Variants in ELN observed in about 807,000 individuals in gnomAD.
ELN encodes elastin.
Under a neutral mutation model 105.8 loss-of-function variants are expected in ELN, and 65 were observed. That is an observed-to-expected ratio of 0.61 (90% CI 0.50 to 0.75). ELN has a LOEUF of 0.75. Among genes scored for constraint, ELN ranks in the 30% least tolerant of loss-of-function variants. The probability of loss-of-function intolerance (pLI) is 0.00; values close to 1 mark genes in which losing one functional copy is unlikely to be tolerated. For synonymous variants in ELN, 368 were observed against 389.2 expected, an observed-to-expected ratio of 0.95 and a Z score of 0.64; for missense variants, 882 against 969.4, an observed-to-expected ratio of 0.91 and a Z score of 1.20.
chr7:74,064,145 A>G (rs556431276), intron 29 of ELN, among the ~76,000 whole-genome samples: 13 of 148,456 alleles, frequency 8.8e-5, no homozygotes, highest in Non-Finnish European at 1.6e-4. Context: ...GAGGCCAGGC[A>G]TGGTGGCTCA....
chr7:74,068,884 C>A lies in ELN; in HGVS notation c.*184C>A. 1.4e-6 allele frequency: 1 copy of A among 699,106 alleles called. No individual in the cohort carries two copies. The highest frequency in any genetic ancestry group is 2.2e-5 in the Admixed American group (1 of 44,848). 43.3% of individuals were successfully genotyped at this position (699,106 alleles called of 1,614,324 possible). A position where few individuals can be genotyped will look rare whatever the true frequency, so the allele number is the denominator to read the frequency against. On this transcript the variant is annotated 3_prime_UTR_variant, in exon 33 of 33. Coordinates refer to ENST00000252034, the MANE Select transcript of ELN (RefSeq NM_000501.4). The stretch of plus-strand genomic sequence containing the variant: ...ACAAGAGGGGAGCGGCCAAGTGCCC[C>A]GACCAGGAGGCCCCCTACTTCAGAG...
chr7:74,047,514 C>T (rs1792856204), intron 12 of ELN, among the ~76,000 whole-genome samples, 161 bp from the exon 13 acceptor site: 3 of 152,164 alleles, frequency 2.0e-5, no homozygotes, highest in African/African-American at 7.2e-5. Flanking sequence ...GTGTCCTCTC[C>T]CTCCTTCACC....
At chr7:74,028,988 T>C (rs745887365) in intron 1 of ELN, among the ~76,000 whole-genome samples, 1 of 151,960 alleles carries the variant, frequency 6.6e-6, no homozygotes, top group Non-Finnish European at 1.5e-5. Context: ...GGGAAAGGGA[T>C]TTCTGGAGGG....
chr7:74,066,960 C>G (rs1439202841), intron 32 of ELN, among the ~76,000 whole-genome samples, 184 bp downstream of exon 32: 9 of 152,224 alleles, frequency 5.9e-5, no homozygotes, highest in African/African-American at 2.2e-4. Context: ...TTGCTGACCT[C>G]TTATAAACAC....
At position 74,063,574 on chromosome 7, in the gene ELN, T is replaced by C. The variant is rs1343995589; in HGVS notation, c.1919-47T>C. 1.2e-6 allele frequency: 2 copies of C among 1,613,750 alleles called. No homozygotes were observed. Among genetic ancestry groups the C allele is most frequent in the Admixed American group, 3.3e-5 (2 of 59,984 alleles). Reference sequence around the variant, plus strand: ...CGCCCTCCACAGGCCGAGGCTTCAGTCCCACCTTTCTGACCAGCGGAGTCT... The same window carrying C: ...CGCCCTCCACAGGCCGAGGCTTCAGCCCCACCTTTCTGACCAGCGGAGTCT... On this transcript the variant is annotated intron_variant, in intron 28 of 32. Transcript: ENST00000252034. The surrounding 1 kb of genome is among the most constrained non-coding windows in gnomAD (Gnocchi z 4.1).
At chr7:74,058,114 T>A (rs1795736018) in intron 22 of ELN, among the ~76,000 whole-genome samples, 1 of 151,128 alleles carries the variant, frequency 6.6e-6, no homozygotes, top group Non-Finnish European at 1.5e-5. Context: ...CTCCTCCTCC[T>A]TCTCATTCTT....
In ELN at chr7:74,035,417, A is replaced by G; in HGVS notation, c.133+3A>G. ...TCCTGGAGGAGTCTTTTATCCAGGT[A>G]ACGTACATGAAACTTCCACACACCC... On this transcript the variant is annotated splice_donor_region_variant and intron_variant, in intron 2 of 32. Coordinates refer to ENST00000252034, the MANE Select transcript of ELN (RefSeq NM_000501.4). 6.2e-7 allele frequency: 1 copy of G among 1,614,132 alleles called. No individual in the cohort carries two copies. Among genetic ancestry groups the G allele is most frequent in the Non-Finnish European group, 8.5e-7 (1 of 1,180,012 alleles).
At chr7:74,056,549 G>A in intron 20 of ELN, 114 bp downstream of exon 20, 1 of 1,599,150 alleles carries the variant, frequency 6.3e-7, no homozygotes, top group Non-Finnish European at 8.6e-7. Context: ...TGCTCAGGGA[G>A]GAGTTGGGGG....
In ELN at chr7:74,063,632, G is replaced by A; in HGVS notation, c.1930G>A (p.Ala644Thr). ...AGCTGTCTCCACAGGCCTAGTGGGA[G>A]CCGCTGGGCTCGGAGGACTCGGAGT... ...AKAAQFGLVG[A>T]AGLGGLGVGG... Residue 644 changes from alanine to threonine, a missense_variant, in exon 29 of 33, where the codon GCC (alanine) becomes ACC (threonine). Ala to Thr is a moderately conservative substitution (Grantham distance 58, BLOSUM62 0). Coordinates refer to ENST00000252034, the MANE Select transcript of ELN (RefSeq NM_000501.4). This position sits in a 1 kb window ranked among gnomAD's most constrained non-coding sequence, Gnocchi z 4.1. The A allele has an allele frequency of 6.2e-7, 1 of 1,614,194 alleles. No individual in the cohort carries two copies. The highest frequency in any genetic ancestry group is 8.5e-7 in the Non-Finnish European group (1 of 1,180,030).
chr7:74,033,328 T>C (rs870424), intron 1 of ELN, among the ~76,000 whole-genome samples: 16,823 of 151,840 alleles, frequency 0.11, 1,273 homozygotes, highest in East Asian at 0.21. Context: ...ACGTGAAGAA[T>C]GAGGGAGAGG....
In ELN at chr7:74,068,651, G is replaced by A. The variant is rs781831349; in HGVS notation, c.2132-6G>A. 54 of 1,614,116 alleles carry A rather than the reference G, an allele frequency of 3.3e-5. 1 individual carries two copies. Among genetic ancestry groups the A allele is most frequent in the South Asian group, 1.9e-4 (17 of 91,084 alleles). ...CTCACAGTGATGTGCACCTCCTCCC[G>A]TCCAGGTGGGGCCTGCCTGGGGAAA... On this transcript the variant is annotated splice_region_variant and splice_polypyrimidine_tract_variant and intron_variant, in intron 32 of 32. Transcript: ENST00000252034.
chr7:74,069,653 A>T lies in ELN; in HGVS notation c.*953A>T, dbSNP rs1260215137. 4.3e-6 allele frequency: 1 copy of T among 233,196 alleles called. No homozygotes were observed. Among genetic ancestry groups the T allele is most frequent in the Non-Finnish European group, 8.5e-6 (1 of 117,860 alleles). 14.4% of individuals were successfully genotyped at this position (233,196 alleles called of 1,614,324 possible). A position where few individuals can be genotyped will look rare whatever the true frequency, so the allele number is the denominator to read the frequency against. ...TTTTGTGTCTCGCTGTGATAGATCA[A>T]TAAATATTTTATTTTTTGTCCTGGA... On this transcript the variant is annotated 3_prime_UTR_variant, in exon 33 of 33. Coordinates refer to ENST00000252034, the MANE Select transcript of ELN (RefSeq NM_000501.4).
At chr7:74,052,823 AAGAG>A (rs1794371924) in intron 17 of ELN, 1 of 299,828 alleles carries the variant, frequency 3.3e-6, no homozygotes, top group Admixed American at 4.9e-5. Flanking sequence ...GGAAAAAGAA[AAGAG>A]GGAGGGAGGG....
intron 26 of ELN, chr7:74,062,163 G>T (rs1264610852): frequency 6.6e-6 from 1 of 152,310 alleles, no homozygotes; most frequent in Admixed American, 6.5e-5. Context: ...GACTCCCCCA[G>T]GGATCCACCA....
At chr7:74,038,011 C>T in intron 4 of ELN, 1 of 489,354 alleles carries the variant, frequency 2.0e-6, no homozygotes, top group Non-Finnish European at 3.8e-6. Context: ...CATGTGTGTT[C>T]ACCCAGCTGT....
rs1798553452 is a variant in ELN at position 74,068,853 on chromosome 7, A to G, written c.*153A>G. 1 of 919,026 alleles carries G rather than the reference A, an allele frequency of 1.1e-6. No individual in the cohort carries two copies. The highest frequency in any genetic ancestry group is 1.4e-5 in the South Asian group (1 of 71,068). 56.9% of individuals were successfully genotyped at this position (919,026 alleles called of 1,614,324 possible). The stretch of plus-strand genomic sequence containing the variant: ...GGGCGGCCTTGCAGATCCACAGGGC[A>G]AGGAAACAAGAGGGGAGCGGCCAAG... On this transcript the variant is annotated 3_prime_UTR_variant, in exon 33 of 33. Coordinates refer to ENST00000252034, the MANE Select transcript of ELN (RefSeq NM_000501.4).
chr7:74,065,828 T>C, intron 30 of ELN, 96 bp downstream of exon 30: 1 of 1,608,922 alleles, frequency 6.2e-7, no homozygotes, highest in Non-Finnish European at 8.5e-7. Context: ...TCCCTCTGGC[T>C]CCCCCTACCC....
chr7:74,047,529 G>T (rs1036688968), intron 12 of ELN, 146 bp from the exon 13 acceptor site: 2 of 1,073,162 alleles, frequency 1.9e-6, no homozygotes, highest in African/African-American at 1.6e-5. Flanking sequence ...TTCACCCAGC[G>T]CCTTTGCTCT....
At chr7:74,029,483 G>C (rs1272653284) in intron 1 of ELN, among the ~76,000 whole-genome samples, 1 of 152,082 alleles carries the variant, frequency 6.6e-6, no homozygotes, top group Non-Finnish European at 1.5e-5. Context: ...TCTGGGTGGA[G>C]TCTGGTTTCC....
Sources: allele counts gnomAD v4.1 joint callset (sites outside exome capture counted in the v4.1 genomes callset), GRCh38; gene constraint gnomAD v4.1.1; non-coding constraint Gnocchi (gnomAD v3.1); transcripts MANE v1.5; gene names NCBI Gene and HGNC (gene_info 2026-07-23, HGNC 2026-07-21).